The following JAG2 variants were observed in gnomAD, a reference collection of about 807,000 sequenced individuals.
JAG2 encodes jagged canonical Notch ligand 2.
A neutral mutation model predicts 141.7 loss-of-function variants in JAG2; 46 were observed. The ratio of observed to expected loss-of-function variants is 0.32; its 90% CI spans 0.26 to 0.42. The LOEUF is 0.42. Ranked by LOEUF, JAG2 falls within the 10% of genes least tolerant of loss-of-function variation. The pLI, the probability that JAG2 is intolerant of heterozygous loss-of-function variation, is 1.00. For missense variants in JAG2, 1,500 were observed against 1,817.5 expected, an observed-to-expected ratio of 0.83 and a Z score of 3.18; for synonymous variants, 862 against 763.5, an observed-to-expected ratio of 1.13 and a Z score of -2.13.
At chr14:105,149,528 C>G (rs1888346602) in intron 12 of JAG2, among the ~76,000 whole-genome samples, 2 of 152,128 alleles carry the variant, frequency 1.3e-5, no homozygotes, top group South Asian at 4.1e-4. Flanking sequence ...GCCCCCACCC[C>G]CACCTCCACT....
At position 105,167,685 on chromosome 14, in the gene JAG2, TCG is replaced by T; in HGVS notation, c.417+70_417+71del. On this transcript the variant is annotated intron_variant, in intron 2 of 25. Coordinates refer to ENST00000331782, the MANE Select transcript of JAG2 (RefSeq NM_002226.5). The surrounding 1 kb of genome is among the most constrained non-coding windows in gnomAD (Gnocchi z 4.8). ...CAGACCCGGCCGCAGGTGTTGGGGG[TCG>T]CGAAGCGCGCGGGGCCGGGGCGCGG... 1 of 1,311,814 alleles carries T rather than the reference TCG, an allele frequency of 7.6e-7. No homozygotes were observed. 81.3% of individuals were successfully genotyped at this position (1,311,814 alleles called of 1,614,324 possible). A position where few individuals can be genotyped will look rare whatever the true frequency, so the allele number is the denominator to read the frequency against.
chr14:105,148,006 AGGTGGC>A, intron 17 of JAG2, 104 bp downstream of exon 17: 2 of 1,084,062 alleles, frequency 1.8e-6, no homozygotes, highest in Non-Finnish European at 2.7e-6. Context: ...GGCAGGGGGC[AGGTGGC>A]AGGTGTGGCC....
Position 105,145,713 on chromosome 14 carries a change from TG to T in JAG2, c.2952+17del, listed in dbSNP as rs1888200484. The T allele has an allele frequency of 6.3e-7, 1 of 1,583,176 alleles. No homozygotes were observed. The highest frequency in any genetic ancestry group is 8.6e-7 in the Non-Finnish European group (1 of 1,165,484). ...GGCGTGTGGCCTCTGCAAGCTCAGA[TG>T]CCACCAGGCCCCTCACCTGGGGCAC... On this transcript the variant is annotated intron_variant, in intron 23 of 25. Coordinates refer to ENST00000331782, the MANE Select transcript of JAG2 (RefSeq NM_002226.5).
intron 2 of JAG2, among the ~76,000 whole-genome samples, chr14:105,164,792 C>T (rs1403186150): frequency 2.6e-5 from 4 of 152,164 alleles, no homozygotes; most frequent in Admixed American, 6.5e-5. Flanking sequence ...GCTGGGAGTC[C>T]AGCAGCCCCA....
At chr14:105,151,470 C>T in intron 8 of JAG2, 74 bp from the exon 9 acceptor site, 1 of 1,454,310 alleles carries the variant, frequency 6.9e-7, no homozygotes, top group Non-Finnish European at 9.5e-7. Context: ...GCAGGTGGCG[C>T]TGCAAGCCTG....
intron 2 of JAG2, among the ~76,000 whole-genome samples, chr14:105,163,209 T>C (rs1888809986): frequency 6.6e-6 from 1 of 152,204 alleles, no homozygotes. Flanking sequence ...CCTGAGCTTC[T>C]GAGAGGCCCA....
At chr14:105,147,257 T>C in intron 20 of JAG2, 69 bp downstream of exon 20, 6 of 1,221,690 alleles carry the variant, frequency 4.9e-6, no homozygotes, top group Admixed American at 2.0e-5. Flanking sequence ...TGGACGTTGA[T>C]GTCCCCAGAC....
intron 18 of JAG2, 39 bp downstream of exon 18, chr14:105,147,733 G>A: frequency 7.1e-7 from 1 of 1,408,722 alleles, no homozygotes; most frequent in Non-Finnish European, 9.8e-7. Context: ...CATCTGGGTG[G>A]AGGAAAGCGG....
Position 105,145,766 on chromosome 14 carries a change from G to A in JAG2, c.2917C>T (p.Leu973Phe). 1 of 1,589,572 alleles carries A rather than the reference G, an allele frequency of 6.3e-7. No homozygotes were observed. Among genetic ancestry groups the A allele is most frequent in the Non-Finnish European group, 8.6e-7 (1 of 1,168,318 alleles). The change falls in exon 23 of 26, where the codon CTC (leucine) becomes TTC (phenylalanine). Residue 973 changes from leucine to phenylalanine, a missense_variant. By Grantham distance (22) the Leu-to-Phe change is conservative. This residue lies in a region of JAG2 where 425 missense variants were observed against 441.0 expected (regional missense o/e 0.96). Coordinates refer to ENST00000331782, the MANE Select transcript of JAG2 (RefSeq NM_002226.5). ...TGGTCACGGTTGAAATGCAAGGTGA[G>A]GCGGGCACAGTTATTGTCCAGGTGG... ...SGHLDNNCAR[L>F]TLHFNRDHVP...
chr14:105,142,773 G>T lies in JAG2; in HGVS notation c.3639C>A (p.Ala1213=), dbSNP rs368232652. Reference sequence around the variant, plus strand: ...CCACTTTGGGGCCTGAGGCCCAGTGGGCCGGCCTCCCCGGCGAGCGGCCAG... The same window carrying T: ...CCACTTTGGGGCCTGAGGCCCAGTGTGCCGGCCTCCCCGGCGAGCGGCCAG... The part of the protein sequence containing the change: ...KDPGRSPGRP[A]HWASGPKVDN... Residue 1213 remains alanine (A), a synonymous_variant, in exon 26 of 26, where the codon GCC becomes GCA. Transcript: ENST00000331782. 11 of 1,610,956 alleles carry T rather than the reference G, an allele frequency of 6.8e-6. No individual in the cohort carries two copies. The highest frequency in any genetic ancestry group is 9.3e-6 in the Non-Finnish European group (11 of 1,179,110).
intron 2 of JAG2, among the ~76,000 whole-genome samples, chr14:105,163,547 G>A (rs1472255105): frequency 2.0e-5 from 3 of 151,910 alleles, no homozygotes; most frequent in African/African-American, 7.3e-5. Flanking sequence ...TAGGAATCCC[G>A]CTCAGGCCTG....
chr14:105,149,634 G>A (rs1157883504), intron 12 of JAG2, among the ~76,000 whole-genome samples: 1 of 151,288 alleles, frequency 6.6e-6, no homozygotes, highest in Non-Finnish European at 1.5e-5. Context: ...CACACTGCCT[G>A]GCCACCCTCA....
chr14:105,153,413 G>A (rs587653129), intron 5 of JAG2, among the ~76,000 whole-genome samples: 89 of 152,352 alleles, frequency 5.8e-4, no homozygotes, highest in Admixed American at 1.3e-3. Flanking sequence ...TCAGGGCGGG[G>A]CTGTGACACA....
At chr14:105,158,460 G>GC (rs1199652292) in intron 2 of JAG2, among the ~76,000 whole-genome samples, 1 of 152,116 alleles carries the variant, frequency 6.6e-6, no homozygotes, top group East Asian at 1.9e-4. Flanking sequence ...TGGCCACTAT[G>GC]CCCCCTCTGC....
At position 105,168,335 on chromosome 14, in the gene JAG2, G is replaced by GC; in HGVS notation, c.66+19dup. On this transcript the variant is annotated intron_variant, in intron 1 of 25. Coordinates refer to ENST00000331782, the MANE Select transcript of JAG2 (RefSeq NM_002226.5). ...GTGTGCCCCGTCCGCGACCCCCGCC[G>GC]CCCCCGCCGCCCCGCTCACCTGCAC... 2.9e-6 allele frequency: 1 copy of GC among 347,114 alleles called. No homozygotes were observed. Among genetic ancestry groups the GC allele is most frequent in the South Asian group, 6.2e-5 (1 of 16,052 alleles). The allele number at this position is 347,114 out of a possible 1,614,324, so 21.5% of individuals were successfully genotyped here. A position where few individuals can be genotyped will look rare whatever the true frequency, so the allele number is the denominator to read the frequency against.
intron 3 of JAG2, among the ~76,000 whole-genome samples, chr14:105,157,482 G>A (rs1306679784): frequency 6.6e-6 from 1 of 152,200 alleles, no homozygotes; most frequent in Non-Finnish European, 1.5e-5. Flanking sequence ...ACACCCAAGA[G>A]GAGAACAACA....
In JAG2 at chr14:105,167,108, C is replaced by G. The variant is rs587742780; in HGVS notation, c.417+649G>C. Among the ~76,000 whole-genome samples the G allele has an allele frequency of 6.5e-3, 985 of 152,250 alleles. 10 individuals carry two copies. The highest frequency in any genetic ancestry group is 0.013 in the South Asian group (63 of 4,822). On this transcript the variant is annotated intron_variant, in intron 2 of 25. Transcript: ENST00000331782. The surrounding 1 kb of genome is among the most constrained non-coding windows in gnomAD (Gnocchi z 4.8). ...CACCTGCCAGGGGAGACCAGACAGC[C>G]CCGACTCAGCTTCTGCCCCTCCAGA... is the stretch of plus-strand genomic sequence containing the variant.
intron 2 of JAG2, among the ~76,000 whole-genome samples, chr14:105,166,241 C>A (rs587769058): frequency 7.2e-5 from 11 of 152,260 alleles, no homozygotes; most frequent in Non-Finnish European, 1.2e-4. Flanking sequence ...AGAGCCAGGG[C>A]GGACACGCGA....
In JAG2 at chr14:105,153,492, G is replaced by A. The variant is rs1888497640; in HGVS notation, c.789-1201C>T. ...CCCAGACCTCGTGGGTCCCAAGGGC[G>A]TGCTCTCGACCCTGGGCAGGGCAGC... On this transcript the variant is annotated intron_variant, in intron 5 of 25. Coordinates refer to ENST00000331782, the MANE Select transcript of JAG2 (RefSeq NM_002226.5). Among the ~76,000 whole-genome samples, 3 of 152,220 alleles carry A rather than the reference G, an allele frequency of 2.0e-5. 1 individual carries two copies. The highest frequency in any genetic ancestry group is 2.0e-4 in the Admixed American group (3 of 15,288).
Sources: allele counts gnomAD v4.1 joint callset (sites outside exome capture counted in the v4.1 genomes callset), GRCh38; gene constraint gnomAD v4.1.1; regional missense constraint gnomAD v4.1.1; non-coding constraint Gnocchi (gnomAD v3.1); transcripts MANE v1.5; gene names NCBI Gene and HGNC (gene_info 2026-07-23, HGNC 2026-07-21).